Variants in CELF2 observed in about 807,000 individuals in gnomAD.
CELF2 encodes the protein CUGBP Elav-like family member 2.
CELF2 carries 8 observed loss-of-function variants against 62.6 expected under a neutral mutation model. The observed-to-expected ratio is 0.13, with a 90% CI of 0.07 to 0.23. The LOEUF (loss-of-function observed/expected upper bound fraction) is 0.23. Ranked by LOEUF, CELF2 falls within the 10% of genes least tolerant of loss-of-function variation. CELF2 has a pLI of 1.00. For synonymous variants in CELF2, 258 were observed against 250.0 expected (o/e 1.03, Z -0.30); for missense variants, 333 against 671.0 (o/e 0.50, Z 5.56).
At chr10:10,617,870 C>T in the CELF2 span, among the ~76,000 whole-genome samples, 5 of 152,054 alleles carry the variant, frequency 3.3e-5, no homozygotes, top group Admixed American at 3.3e-4. Context: ...CATTCCAATT[C>T]AATAACACCC....
rs2053342504 is a variant in CELF2 at position 10,990,814 on chromosome 10, C to T, written c.89+70815C>T. ...ACCAACTGACATTTTACTAAGTCAA[C>T]ATGGTTTGGGTATCATTTGGGGTAA... is the stretch of plus-strand genomic sequence containing the variant. On this transcript the variant is annotated intron_variant, in intron 2 of 13. Transcript: ENST00000636488. This position sits in a 1 kb window ranked among gnomAD's most constrained non-coding sequence, Gnocchi z 4.6. Among the ~76,000 whole-genome samples, 2 of 152,144 alleles carry T rather than the reference C, an allele frequency of 1.3e-5. No individual in the cohort carries two copies. The highest frequency in any genetic ancestry group is 4.8e-5 in the African/African-American group (2 of 41,438).
At chr10:11,048,109 T>A (rs2063195016) in intron 1 of CELF2, among the ~76,000 whole-genome samples, 1 of 152,254 alleles carries the variant, frequency 6.6e-6, no homozygotes, top group African/African-American at 2.4e-5. Context: ...TCCCCAAGGC[T>A]GTATTCCAGT....
rs912042669 is a variant in CELF2 at position 11,187,402 on chromosome 10, G to C, written c.271+21720G>C. On this transcript the variant is annotated intron_variant, in intron 2 of 12. Transcript: ENST00000633077. ...ATTTTTACATTCTCTCTCTTCACGT[G>C]TATGTATCTGTCTATTTAAAGTGCA... 5.3e-5 allele frequency among the ~76,000 whole-genome samples: 8 copies of C among 152,046 alleles called. No individual in the cohort carries two copies. The South Asian group carries it at 6.2e-4, about 12-fold the overall frequency.
intron 1 of CELF2, among the ~76,000 whole-genome samples, chr10:11,048,797 G>T (rs2063330259): frequency 6.6e-6 from 1 of 152,232 alleles, no homozygotes; most frequent in Non-Finnish European, 1.5e-5. Flanking sequence ...AAATGTAGGT[G>T]TATGAATTAG....
chr10:11,274,909 C>G, intron 7 of CELF2, 148 bp from the exon 8 acceptor site: 1 of 695,950 alleles, frequency 1.4e-6, no homozygotes, highest in Non-Finnish European at 2.6e-6. Context: ...TATGGATTTA[C>G]AGCCCCAGCT....
At chr10:11,021,246 C>G (rs189380056) in intron 1 of CELF2, among the ~76,000 whole-genome samples, 8 of 152,260 alleles carry the variant, frequency 5.3e-5, no homozygotes, top group African/African-American at 1.9e-4. Flanking sequence ...GAATAAGACA[C>G]TGAGAAGAGT....
the CELF2 span, among the ~76,000 whole-genome samples, chr10:10,495,918 T>C: frequency 1.3e-5 from 2 of 152,372 alleles, no homozygotes; most frequent in Admixed American, 1.3e-4. Context: ...AATAGAGTGA[T>C]ATTCCAACCT....
At chr10:10,480,457 A>G in the CELF2 span, among the ~76,000 whole-genome samples, 8 of 152,188 alleles carry the variant, frequency 5.3e-5, no homozygotes, top group Non-Finnish European at 1.0e-4. Flanking sequence ...TTTGAGGGTA[A>G]TTCAGAGAAA....
intron 2 of CELF2, among the ~76,000 whole-genome samples, chr10:10,981,427 C>G (rs1030923052): frequency 6.6e-6 from 1 of 152,142 alleles, no homozygotes; most frequent in African/African-American, 2.4e-5. Context: ...CTAATAGATT[C>G]AAGGTTGAAG....
chr10:10,956,956 A>G (rs2048974102), intron 2 of CELF2, among the ~76,000 whole-genome samples: 1 of 151,988 alleles, frequency 6.6e-6, no homozygotes, highest in African/African-American at 2.4e-5. Context: ...AAAGAAAAAA[A>G]AGTGATTTGC....
At chr10:10,792,841 T>C in the CELF2 span, among the ~76,000 whole-genome samples, 1 of 152,184 alleles carries the variant, frequency 6.6e-6, no homozygotes, top group African/African-American at 2.4e-5. Context: ...TGTGATTCCT[T>C]TGAATGGTAT....
At chr10:10,847,370 C>G (rs2059082484) in intron 1 of CELF2, among the ~76,000 whole-genome samples, 1 of 152,168 alleles carries the variant, frequency 6.6e-6, no homozygotes. Context: ...ATGATATCAT[C>G]TGACCTACTT....
At chr10:11,091,463 A>C (rs1378218765) in intron 1 of CELF2, among the ~76,000 whole-genome samples, 1 of 152,224 alleles carries the variant, frequency 6.6e-6, no homozygotes, top group Non-Finnish European at 1.5e-5. Flanking sequence ...CCTTGAGTAC[A>C]TGGCACATCC....
chr10:10,890,914 C>T (rs999678244), intron 1 of CELF2, among the ~76,000 whole-genome samples: 1 of 152,092 alleles, frequency 6.6e-6, no homozygotes, highest in Non-Finnish European at 1.5e-5. Context: ...ACTCGGGAGG[C>T]TGAGGCAGGA....
intron 3 of CELF2, among the ~76,000 whole-genome samples, chr10:11,235,744 A>G (rs1455156212): frequency 1.3e-5 from 2 of 151,442 alleles, no homozygotes; most frequent in East Asian, 3.9e-4. Context: ...AACATGGGTA[A>G]TAAGAAATAG....
chr10:10,750,787 G>T, the CELF2 span, among the ~76,000 whole-genome samples: 9 of 152,208 alleles, frequency 5.9e-5, no homozygotes, highest in African/African-American at 1.9e-4. Context: ...CCTGTCTGTT[G>T]ATTTCTCATT....
intron 1 of CELF2, among the ~76,000 whole-genome samples, chr10:11,047,912 T>G (rs2063155714): frequency 6.6e-6 from 1 of 152,202 alleles, no homozygotes; most frequent in Non-Finnish European, 1.5e-5. Context: ...ACCTGAAGAA[T>G]TTTTTTCTCT....
the CELF2 span, among the ~76,000 whole-genome samples, chr10:10,714,407 CT>C: frequency 3.3e-5 from 5 of 152,224 alleles, no homozygotes; most frequent in South Asian, 4.1e-4. Flanking sequence ...TGAATTATAA[CT>C]AATTAGAGCT....
chr10:10,745,487 A>C, the CELF2 span, among the ~76,000 whole-genome samples: 2 of 152,176 alleles, frequency 1.3e-5, no homozygotes, highest in Non-Finnish European at 1.5e-5. Flanking sequence ...TTTGAAGTCG[A>C]GAGCTTGGCA....
Sources: allele counts gnomAD v4.1 joint callset (sites outside exome capture counted in the v4.1 genomes callset), GRCh38; gene constraint gnomAD v4.1.1; non-coding constraint Gnocchi (gnomAD v3.1); transcripts MANE v1.5; gene names NCBI Gene and HGNC (gene_info 2026-07-23, HGNC 2026-07-21).